Variants in MCF2L observed in about 807,000 individuals in gnomAD.
The protein encoded by MCF2L is guanine nucleotide exchange factor DBS.
MCF2L carries 97 observed loss-of-function variants against 153.4 expected under a neutral mutation model. That is an observed-to-expected ratio of 0.63 (90% CI 0.54 to 0.75). The LOEUF (loss-of-function observed/expected upper bound fraction) is 0.75. MCF2L is among the 30% of genes least tolerant of loss of function. MCF2L has a pLI of 0.00. For synonymous variants in MCF2L, 659 were observed against 632.2 expected (o/e 1.04, Z -0.64); for missense variants, 1,347 against 1,495.2 (o/e 0.90, Z 1.64).
At chr13:113,033,216 C>T (rs79257003) in intron 3 of MCF2L, among the ~76,000 whole-genome samples, 47 of 50,874 alleles carry the variant, frequency 9.2e-4, no homozygotes, top group East Asian at 2.1e-3. Flanking sequence ...GCCCCCGTGA[C>T]ATGAGTGGCC....
chr13:112,918,173 C>T (rs1393426910), intron 2 of MCF2L, among the ~76,000 whole-genome samples: 7 of 152,192 alleles, frequency 4.6e-5, no homozygotes, highest in Admixed American at 1.3e-4. Context: ...GCACTGTGTC[C>T]GGGAAGGCAT....
At chr13:112,919,641 G>C (rs1191774294) in intron 2 of MCF2L, among the ~76,000 whole-genome samples, 1 of 152,152 alleles carries the variant, frequency 6.6e-6, no homozygotes, top group Non-Finnish European at 1.5e-5. Flanking sequence ...AATTCTGAGA[G>C]TAATTGTTAT....
Position 113,014,108 on chromosome 13 carries a change from G to A in MCF2L, c.80-655G>A, listed in dbSNP as rs142644298. ...CTGGTACTGGCCCCATGCTCCCCCCGTGCTCCCAGCCAGTGCTGGCCTGGT... is the reference window on the plus strand; with the variant it reads ...CTGGTACTGGCCCCATGCTCCCCCCATGCTCCCAGCCAGTGCTGGCCTGGT... On this transcript the variant is annotated intron_variant, in intron 1 of 29. Coordinates refer to ENST00000535094, the MANE Select transcript of MCF2L (RefSeq NM_001112732.3). Among the ~76,000 whole-genome samples, 443 of 152,328 alleles carry A rather than the reference G, an allele frequency of 2.9e-3. 3 individuals are homozygous for A. The highest frequency in any genetic ancestry group is 9.9e-3 in the African/African-American group (412 of 41,564).
At position 112,979,277 on chromosome 13, in the gene MCF2L, G is replaced by A. The variant is rs117931205; in HGVS notation, c.79+9819G>A. 3.6e-4 allele frequency: 378 copies of A among 1,053,046 alleles called. 2 individuals are homozygous for A. In the East Asian group the frequency reaches 0.026, roughly 73 times the overall value. The allele number at this position is 1,053,046 out of a possible 1,614,324, so 65.2% of individuals were successfully genotyped here. A position where few individuals can be genotyped will look rare whatever the true frequency, so the allele number is the denominator to read the frequency against. ...CATAAGGCAAGGAGGTCCAGCCCAC[G>A]CAAGCCCCCGCCCTGTTCGAGGAAG... On this transcript the variant is annotated intron_variant, in intron 1 of 29. Coordinates refer to ENST00000535094, the MANE Select transcript of MCF2L (RefSeq NM_001112732.3).
In MCF2L at chr13:112,923,257, C is replaced by CTT. The variant is rs57030206; in HGVS notation, c.169+20909_169+20910dup. On this transcript the variant is annotated intron_variant, in intron 2 of 29. Transcript: ENST00000375608. ...TCTCCATGAACTTCAGTGTTTGCTT[C>CTT]TTTTTTTTTTTTTTTTTTTTTTTTG... 8.7e-3 allele frequency among the ~76,000 whole-genome samples: 684 copies of CTT among 78,408 alleles called. 3 individuals carry two copies. The highest frequency in any genetic ancestry group is 9.4e-3 in the Non-Finnish European group (412 of 43,866). The allele number at this position is 78,408 out of a possible 152,430, so 51.4% of individuals were successfully genotyped here.
intron 7 of MCF2L, among the ~76,000 whole-genome samples, chr13:113,065,508 G>C (rs554541115): frequency 5.3e-5 from 8 of 152,346 alleles, no homozygotes; most frequent in African/African-American, 1.9e-4. Flanking sequence ...TGCCGAGCAG[G>C]CGATGAAGTG....
chr13:113,095,790 G>A (rs1301226681), intron 27 of MCF2L: 12 of 999,308 alleles, frequency 1.2e-5, no homozygotes, highest in Middle Eastern at 5.1e-4. Context: ...AACAGCTGCC[G>A]CTTCCTGGGT....
chr13:112,913,209 G>A (rs899871523), intron 2 of MCF2L, among the ~76,000 whole-genome samples: 1 of 150,374 alleles, frequency 6.7e-6, no homozygotes, highest in Non-Finnish European at 1.5e-5. Flanking sequence ...GTGTATCTCT[G>A]TATGTATGGG....
intron 1 of MCF2L, among the ~76,000 whole-genome samples, chr13:112,981,417 G>C (rs2082421002): frequency 6.6e-6 from 1 of 152,188 alleles, no homozygotes; most frequent in South Asian, 2.1e-4. Flanking sequence ...GCGGTGCTCT[G>C]GTCCCCCGTG....
At chr13:113,061,272 G>A (rs1004416562) in intron 5 of MCF2L, among the ~76,000 whole-genome samples, 7 of 152,126 alleles carry the variant, frequency 4.6e-5, no homozygotes, top group African/African-American at 1.7e-4. Context: ...ACTGCCCACT[G>A]AGAAAGCACC....
chr13:113,075,346 G>T (rs1294369919), intron 11 of MCF2L, among the ~76,000 whole-genome samples, 157 bp downstream of exon 11: 1 of 151,774 alleles, frequency 6.6e-6, no homozygotes, highest in Admixed American at 6.6e-5. Context: ...GGCCTAGAGG[G>T]TCTTTTTCTA....
upstream of MCF2L, chr13:112,968,363 C>T (rs1259693481): frequency 6.9e-7 from 1 of 1,447,584 alleles, no homozygotes; most frequent in Non-Finnish European, 9.2e-7. Context: ...GCATATGGCC[C>T]TGTGATGGCG....
rs1362443359 is a variant in MCF2L at position 113,066,408 on chromosome 13, T to C, written c.881+238T>C. ...CAGAAAGCCACTGTTTTGGGGACAA[T>C]TTCCTAGAGCAAACGCCCTTTTGCC... On this transcript the variant is annotated intron_variant, in intron 8 of 29. Transcript: ENST00000535094. 2.0e-5 allele frequency among the ~76,000 whole-genome samples: 3 copies of C among 152,090 alleles called. No homozygotes were observed. In the East Asian group the frequency reaches 5.8e-4, roughly 29 times the overall value.
intron 2 of MCF2L, among the ~76,000 whole-genome samples, chr13:112,953,554 G>A (rs1271796933): frequency 3.9e-5 from 6 of 152,246 alleles, no homozygotes; most frequent in Non-Finnish European, 8.8e-5. Context: ...TACCTCTGCA[G>A]AGACAGGAAC....
chr13:113,091,052 C>G, intron 26 of MCF2L: 1 of 1,296,664 alleles, frequency 7.7e-7, no homozygotes, highest in Non-Finnish European at 1.0e-6. Flanking sequence ...GGGTCAGCCT[C>G]CTCGCCGCCT....
At position 113,074,175 on chromosome 13, in the gene MCF2L, AC is replaced by A. The variant is rs1441484367; in HGVS notation, c.997-268del. ...CTGTTTTCAGGCGTGTGGTTGATAA[AC>A]GGAGGCACACACAAGCCACAGAGAA... On this transcript the variant is annotated intron_variant, in intron 9 of 29. Coordinates refer to ENST00000535094, the MANE Select transcript of MCF2L (RefSeq NM_001112732.3). This position sits in a 1 kb window ranked among gnomAD's most constrained non-coding sequence, Gnocchi z 4.2. Among the ~76,000 whole-genome samples the A allele has an allele frequency of 6.6e-6, 1 of 152,052 alleles. No homozygotes were observed. The highest frequency in any genetic ancestry group is 2.4e-5 in the African/African-American group (1 of 41,388).
intron 2 of MCF2L, among the ~76,000 whole-genome samples, chr13:112,961,158 G>A (rs1254498979): frequency 1.5e-5 from 2 of 135,360 alleles, no homozygotes; most frequent in Non-Finnish European, 3.4e-5. Context: ...GTGAGCACAC[G>A]GCAGAGCCCT....
chr13:112,996,967 C>G (rs2083162398), intron 1 of MCF2L, among the ~76,000 whole-genome samples: 1 of 152,232 alleles, frequency 6.6e-6, no homozygotes, highest in Non-Finnish European at 1.5e-5. Context: ...GTCCCGCCCT[C>G]GCTATCTCAG....
chr13:112,986,701 C>T (rs1297498887), intron 1 of MCF2L, among the ~76,000 whole-genome samples: 1 of 152,234 alleles, frequency 6.6e-6, no homozygotes, highest in Non-Finnish European at 1.5e-5. Context: ...GCTGGGCGGG[C>T]CTGCCTGCCT....
Sources: allele counts gnomAD v4.1 joint callset (sites outside exome capture counted in the v4.1 genomes callset), GRCh38; gene constraint gnomAD v4.1.1; non-coding constraint Gnocchi (gnomAD v3.1); transcripts MANE v1.5; gene names NCBI Gene and HGNC (gene_info 2026-07-23, HGNC 2026-07-21).